Variants in CDH12 observed in about 807,000 individuals in gnomAD.
CDH12 encodes cadherin-12.
CDH12 carries 41 observed loss-of-function variants against 74.1 expected under a neutral mutation model. The ratio of observed to expected loss-of-function variants is 0.55; its 90% confidence interval spans 0.43 to 0.72. The LOEUF (loss-of-function observed/expected upper bound fraction) is 0.72, where lower values mean the gene tolerates loss of function less well. Ranked by LOEUF, CDH12 falls within the 30% of genes least tolerant of loss-of-function variation. The pLI is 0.00. For synonymous variants in CDH12, 399 were observed against 355.0 expected, an observed-to-expected ratio of 1.12 and a Z score of -1.39; for missense variants, 945 against 977.2, an observed-to-expected ratio of 0.97 and a Z score of 0.44.
At chr5:22,823,947 T>C (rs1420342205) in intron 1 of CDH12, among the ~76,000 whole-genome samples, 1 of 152,094 alleles carries the variant, frequency 6.6e-6, no homozygotes, top group Non-Finnish European at 1.5e-5. Flanking sequence ...AACAAATTAA[T>C]ACAAATACTA....
chr5:21,839,743 A>C (rs575429243), intron 8 of CDH12, among the ~76,000 whole-genome samples: 15 of 152,248 alleles, frequency 9.9e-5, no homozygotes, highest in Admixed American at 8.5e-4. Flanking sequence ...AAGAGAAAAA[A>C]CTGTGTTTTT....
chr5:22,648,577 C>G (rs1040227646), intron 1 of CDH12, among the ~76,000 whole-genome samples: 2 of 151,676 alleles, frequency 1.3e-5, no homozygotes, highest in African/African-American at 4.8e-5. Flanking sequence ...CCCTTCCTAC[C>G]TGTTTTTCAC....
chr5:22,275,408 C>G (rs1281129290), intron 3 of CDH12, among the ~76,000 whole-genome samples: 2 of 151,966 alleles, frequency 1.3e-5, no homozygotes, highest in South Asian at 2.1e-4. Context: ...AGAATCTACT[C>G]ACATTTAATT....
intron 2 of CDH12, among the ~76,000 whole-genome samples, chr5:22,503,438 CTA>C (rs1006055121): frequency 1.3e-5 from 2 of 151,972 alleles, no homozygotes; most frequent in African/African-American, 4.8e-5. Flanking sequence ...GGCTTGAAAT[CTA>C]TATATTCATT....
At chr5:22,585,336 A>C (rs993639229) in intron 1 of CDH12, among the ~76,000 whole-genome samples, 1 of 151,990 alleles carries the variant, frequency 6.6e-6, no homozygotes, top group Non-Finnish European at 1.5e-5. Flanking sequence ...TTTGTCTTTG[A>C]TTTCCTGCAG....
At chr5:21,916,323 T>C (rs1754091542) in intron 6 of CDH12, among the ~76,000 whole-genome samples, 1 of 152,332 alleles carries the variant, frequency 6.6e-6, no homozygotes, top group African/African-American at 2.4e-5. Context: ...TCATGTTTAT[T>C]GAATGAGTTG....
chr5:22,777,756 TG>T (rs1344551581), intron 1 of CDH12, among the ~76,000 whole-genome samples: 2 of 152,132 alleles, frequency 1.3e-5, no homozygotes, highest in Non-Finnish European at 2.9e-5. Flanking sequence ...ATTATTTCTA[TG>T]TAAGTTGCAG....
chr5:22,547,421 T>G (rs1738382320), intron 1 of CDH12, among the ~76,000 whole-genome samples: 1 of 152,172 alleles, frequency 6.6e-6, no homozygotes, highest in Non-Finnish European at 1.5e-5. Flanking sequence ...TAGTCGTCAG[T>G]CCAATTTCTC....
intron 2 of CDH12, among the ~76,000 whole-genome samples, chr5:22,457,070 C>G (rs1016807141): frequency 3.9e-5 from 6 of 152,084 alleles, no homozygotes; most frequent in Admixed American, 3.9e-4. Context: ...TTTCAGAGTT[C>G]AGACACTGAT....
intron 13 of CDH12, among the ~76,000 whole-genome samples, chr5:21,758,178 A>G (rs1744508470): frequency 6.6e-6 from 1 of 152,172 alleles, no homozygotes; most frequent in African/African-American, 2.4e-5. Context: ...TGCTGCTGTG[A>G]CATAACATTA....
At chr5:22,162,360 CT>C (rs1490637255) in intron 4 of CDH12, among the ~76,000 whole-genome samples, 1 of 152,248 alleles carries the variant, frequency 6.6e-6, no homozygotes, top group East Asian at 1.9e-4. Flanking sequence ...TCATTATACC[CT>C]CCCACACACC....
chr5:22,327,425 C>A (rs1739163601), intron 3 of CDH12, among the ~76,000 whole-genome samples: 1 of 90,234 alleles, frequency 1.1e-5, no homozygotes, highest in Non-Finnish European at 2.3e-5. Context: ...AAAATTTGTG[C>A]CTCTGTGTGT....
chr5:21,913,035 A>C (rs370873670), intron 6 of CDH12, among the ~76,000 whole-genome samples: 4 of 152,056 alleles, frequency 2.6e-5, no homozygotes. Flanking sequence ...TAGATATGGG[A>C]TTTTACCATG....
At chr5:22,564,181 T>C (rs1397688707) in intron 1 of CDH12, among the ~76,000 whole-genome samples, 1 of 152,242 alleles carries the variant, frequency 6.6e-6, no homozygotes, top group Admixed American at 6.5e-5. Flanking sequence ...AAAAATATAG[T>C]TCTGAATTCT....
intron 6 of CDH12, among the ~76,000 whole-genome samples, chr5:21,954,079 C>T (rs937532333): frequency 1.3e-5 from 2 of 151,950 alleles, no homozygotes; most frequent in African/African-American, 4.8e-5. Context: ...TTCAATAGCA[C>T]ATGATTTAAT....
intron 3 of CDH12, among the ~76,000 whole-genome samples, chr5:22,351,003 T>C (rs935727256): frequency 2.6e-5 from 4 of 152,128 alleles, no homozygotes; most frequent in African/African-American, 9.7e-5. Context: ...GTTTTTAATA[T>C]AAAGCTGAAG....
chr5:22,559,714 C>T (rs953612889), intron 1 of CDH12, among the ~76,000 whole-genome samples: 18 of 152,052 alleles, frequency 1.2e-4, no homozygotes, highest in Admixed American at 9.2e-4. Context: ...GGTCTATAAT[C>T]ACACACAAAA....
rs549831605 is a variant in CDH12 at position 22,194,329 on chromosome 5, T to C, written c.-187+18169A>G. Among the ~76,000 whole-genome samples the C allele has an allele frequency of 3.9e-4, 56 of 144,724 alleles. 1 individual carries two copies. The South Asian group carries it at 0.012, about 31-fold the overall frequency. The allele number at this position is 144,724 out of a possible 152,430, so 94.9% of individuals were successfully genotyped here. A position where few individuals can be genotyped will look rare whatever the true frequency, so the allele number is the denominator to read the frequency against. On this transcript the variant is annotated intron_variant, in intron 4 of 14. Coordinates refer to ENST00000382254, the MANE Select transcript of CDH12 (RefSeq NM_004061.5). ...CTTTCTTTTTTTTTTTTTTGTTTTG[T>C]TTTTTTTGTTTTTTGTTTTTGAGAC...
chr5:21,794,251 A>T (rs554763783), intron 10 of CDH12, among the ~76,000 whole-genome samples: 2 of 151,314 alleles, frequency 1.3e-5, no homozygotes, highest in South Asian at 4.2e-4. Context: ...TTCTTAGCAA[A>T]TTTTTTCTTC....
Sources: gnomAD v4.1 joint callset for allele counts (sites outside exome capture counted in the v4.1 genomes callset) on GRCh38, gnomAD v4.1.1 for gene constraint, MANE v1.5 for transcripts, NCBI Gene and HGNC (gene_info 2026-07-23, HGNC 2026-07-21) for gene names.